Variants in DSE observed in about 807,000 individuals in gnomAD.
DSE encodes the protein dermatan sulfate epimerase.
A neutral mutation model predicts 84.4 loss-of-function variants in DSE; 36 were observed. The ratio of observed to expected loss-of-function variants is 0.43; its 90% CI spans 0.33 to 0.56. DSE has a LOEUF of 0.56. DSE is among the 20% of genes least tolerant of loss of function. DSE has a pLI of 0.06. For missense variants in DSE, 862 were observed against 1,169.6 expected, an observed-to-expected ratio of 0.74 and a Z score of 3.84; for synonymous variants, 410 against 430.1, an observed-to-expected ratio of 0.95 and a Z score of 0.58.
intron 1 of DSE, among the ~76,000 whole-genome samples, chr6:116,394,855 T>G (rs1781139687): frequency 6.6e-6 from 1 of 152,138 alleles, no homozygotes; most frequent in African/African-American, 2.4e-5. Flanking sequence ...AGCCTGAGAA[T>G]TGAGTTGTAG....
chr6:116,322,377 G>T (rs978728032), intron 2 of DSE, among the ~76,000 whole-genome samples: 2 of 151,938 alleles, frequency 1.3e-5, no homozygotes, highest in African/African-American at 4.8e-5. Context: ...ATGAGGGGTG[G>T]TCTCCTCCCT....
chr6:116,433,383 C>T lies in DSE; in HGVS notation c.951C>T (p.Asn317=). 6.4e-7 allele frequency: 1 copy of T among 1,551,582 alleles called. No homozygotes were observed. The highest frequency in any genetic ancestry group is 8.7e-7 in the Non-Finnish European group (1 of 1,146,950). ...RTVAIADSNY[N]WFYGPESQLV... ...TGGCTATTGCGGACTCAAATTACAA[C>T]TGGTTTTATGGTCCAGAAAGCCAAT... is the stretch of plus-strand genomic sequence containing the variant. Residue 317 remains asparagine, a synonymous_variant, in exon 5 of 6, where the codon AAC becomes AAT. Transcript: ENST00000644252.
At chr6:116,283,526 T>TTTGTTG (rs148204266) in intron 2 of DSE, among the ~76,000 whole-genome samples, 9,445 of 149,298 alleles carry the variant, frequency 0.063, 643 homozygotes, top group African/African-American at 0.17. Context: ...GGGTAGATTC[T>TTTGTTG]TTGTTGTTGT....
At chr6:116,333,511 C>T (rs554673929) in intron 2 of DSE, among the ~76,000 whole-genome samples, 21 of 152,272 alleles carry the variant, frequency 1.4e-4, no homozygotes, top group African/African-American at 4.3e-4. Flanking sequence ...CTCCCAATAC[C>T]GTTACATTGG....
At chr6:116,426,458 G>T in intron 2 of DSE, 116 bp from the exon 3 acceptor site, 1 of 1,365,954 alleles carries the variant, frequency 7.3e-7, no homozygotes. Flanking sequence ...GTGTCATTAA[G>T]CCCTTGGATT....
chr6:116,311,216 G>A (rs907303743), intron 2 of DSE, among the ~76,000 whole-genome samples: 2 of 151,894 alleles, frequency 1.3e-5, no homozygotes, highest in African/African-American at 4.8e-5. Flanking sequence ...TCCTTCTTTA[G>A]TTTTTTTTAC....
At chr6:116,319,177 A>G (rs1488436760) in intron 2 of DSE, among the ~76,000 whole-genome samples, 1 of 152,254 alleles carries the variant, frequency 6.6e-6, no homozygotes, top group Non-Finnish European at 1.5e-5. Context: ...ATGAATAAAC[A>G]TGGCTAATTA....
At chr6:116,274,711 T>C (rs1297899545) in intron 2 of DSE, among the ~76,000 whole-genome samples, 1 of 152,246 alleles carries the variant, frequency 6.6e-6, no homozygotes, top group Non-Finnish European at 1.5e-5. Context: ...AAGAAAGTGT[T>C]GCACAGTACA....
intron 2 of DSE, among the ~76,000 whole-genome samples, chr6:116,413,200 A>G (rs1782493718): frequency 6.6e-6 from 1 of 152,212 alleles, no homozygotes. Flanking sequence ...ATATATAAAT[A>G]TATAAATAAA....
rs1329370769 is a variant in DSE, at chr6:116,338,462, G to A, written c.-53-60736G>A. 1.1e-3 allele frequency among the ~76,000 whole-genome samples: 170 copies of A among 151,888 alleles called. 1 individual carries two copies. The highest frequency in any genetic ancestry group is 1.3e-4 in the Non-Finnish European group (9 of 67,936). On this transcript the variant is annotated intron_variant, in intron 2 of 3. Transcript: ENST00000430252. ...TGGTCTCAAACTCCTGACATCAGGC[G>A]ATCCACCCGCCTCAGCCTCCCAAAG...
chr6:116,435,128 CTTTT>C (rs1321447718), intron 5 of DSE, among the ~76,000 whole-genome samples: 6 of 152,108 alleles, frequency 3.9e-5, no homozygotes, highest in African/African-American at 1.4e-4. Flanking sequence ...AGGGAGAACT[CTTTT>C]CAATACCAAA....
intron 2 of DSE, among the ~76,000 whole-genome samples, chr6:116,262,730 CT>C (rs1286261004): frequency 6.6e-6 from 1 of 152,136 alleles, no homozygotes; most frequent in African/African-American, 2.4e-5. Context: ...ATCTTTCTAA[CT>C]TTTTGATGTG....
intron 1 of DSE, among the ~76,000 whole-genome samples, chr6:116,390,166 C>T (rs1238379780): frequency 6.6e-6 from 1 of 152,034 alleles, no homozygotes; most frequent in African/African-American, 2.4e-5. Context: ...CACCCAGCTT[C>T]AAGCGATCCT....
At chr6:116,364,505 AAGG>A (rs1284462729) in intron 2 of DSE, among the ~76,000 whole-genome samples, 6 of 152,258 alleles carry the variant, frequency 3.9e-5, no homozygotes, top group African/African-American at 1.4e-4. Context: ...GCCTGAGCAG[AAGG>A]AGAAGTCTGA....
chr6:116,350,599 C>A (rs750507362), intron 2 of DSE, among the ~76,000 whole-genome samples: 15 of 152,114 alleles, frequency 9.9e-5, no homozygotes, highest in Non-Finnish European at 1.8e-4. Context: ...ATTGTCTATT[C>A]TTTGAGGGAA....
intron 1 of DSE, among the ~76,000 whole-genome samples, chr6:116,256,988 G>A (rs1772169365): frequency 6.6e-6 from 1 of 152,018 alleles, no homozygotes; most frequent in African/African-American, 2.4e-5. Context: ...TTATTTGCAA[G>A]GAGAAAAGAT....
intron 2 of DSE, among the ~76,000 whole-genome samples, chr6:116,319,410 T>C (rs564992198): frequency 6.6e-6 from 1 of 152,358 alleles, no homozygotes; most frequent in South Asian, 2.1e-4. Flanking sequence ...TATTCAAGTT[T>C]ACCAATTATT....
intron 2 of DSE, among the ~76,000 whole-genome samples, chr6:116,263,993 G>A (rs1004649587): frequency 2.0e-5 from 3 of 152,140 alleles, no homozygotes; most frequent in Non-Finnish European, 2.9e-5. Flanking sequence ...TCCCTTTGTA[G>A]GCAATCTGCC....
intron 1 of DSE, among the ~76,000 whole-genome samples, chr6:116,390,527 T>A (rs905307317): frequency 1.5e-4 from 23 of 152,230 alleles, no homozygotes; most frequent in Admixed American, 8.5e-4. Flanking sequence ...TTTAAGTGAT[T>A]CAGCATAAAA....
Sources: allele counts gnomAD v4.1 joint callset (sites outside exome capture counted in the v4.1 genomes callset), GRCh38; gene constraint gnomAD v4.1.1; transcripts MANE v1.5; gene names NCBI Gene and HGNC (gene_info 2026-07-23, HGNC 2026-07-21).